Variants in LRRTM3 observed in about 807,000 individuals in gnomAD.
LRRTM3 encodes leucine-rich repeat transmembrane neuronal protein 3.
In LRRTM3, 24 loss-of-function variants were observed where a neutral mutation model predicts 44.7. The observed-to-expected ratio is 0.54, with a 90% CI of 0.39 to 0.76. The LOEUF is 0.76. Ranked by LOEUF, LRRTM3 falls within the 30% of genes least tolerant of loss-of-function variation. The pLI is 0.00. For synonymous variants in LRRTM3, 277 were observed against 278.7 expected (o/e 0.99, Z 0.06); for missense variants, 587 against 702.2 (o/e 0.84, Z 1.85).
At chr10:67,017,609 A>C (rs1183199291) in intron 2 of LRRTM3, among the ~76,000 whole-genome samples, 1 of 152,120 alleles carries the variant, frequency 6.6e-6, no homozygotes, top group East Asian at 1.9e-4. Flanking sequence ...TCTACCTACA[A>C]CACCAGCCAT....
At chr10:67,019,482 T>C (rs895378979) in intron 2 of LRRTM3, among the ~76,000 whole-genome samples, 6 of 152,174 alleles carry the variant, frequency 3.9e-5, no homozygotes, top group African/African-American at 1.4e-4. Flanking sequence ...CCTCCCAAAG[T>C]GCTAGGATTA....
chr10:66,950,268 T>C (rs1314197188), intron 2 of LRRTM3, among the ~76,000 whole-genome samples: 2 of 152,164 alleles, frequency 1.3e-5, no homozygotes, highest in Non-Finnish European at 2.9e-5. Flanking sequence ...TTTACTTCTA[T>C]AGCCATTAAA....
At chr10:66,984,321 C>T (rs1472534318) in intron 2 of LRRTM3, among the ~76,000 whole-genome samples, 1 of 152,098 alleles carries the variant, frequency 6.6e-6, no homozygotes, top group African/African-American at 2.4e-5. Flanking sequence ...GAATACCAAA[C>T]ATTATTCTTA....
At chr10:67,058,185 T>A (rs1855553276) in intron 2 of LRRTM3, among the ~76,000 whole-genome samples, 1 of 152,170 alleles carries the variant, frequency 6.6e-6, no homozygotes, top group Non-Finnish European at 1.5e-5. Flanking sequence ...GTGATCACAT[T>A]TCTAATCACA....
chr10:67,065,517 A>G (rs1856021807), intron 2 of LRRTM3, among the ~76,000 whole-genome samples: 1 of 152,146 alleles, frequency 6.6e-6, no homozygotes, highest in Non-Finnish European at 1.5e-5. Flanking sequence ...CATCTGTTCC[A>G]TCTTCTTCCT....
At chr10:67,028,403 A>G (rs1166930092) in intron 2 of LRRTM3, among the ~76,000 whole-genome samples, 1 of 152,106 alleles carries the variant, frequency 6.6e-6, no homozygotes, top group Non-Finnish European at 1.5e-5. Context: ...AGTATTTAAC[A>G]TTTCTCAACC....
intron 2 of LRRTM3, among the ~76,000 whole-genome samples, chr10:67,088,987 G>T (rs1003841078): frequency 6.6e-6 from 1 of 151,920 alleles, no homozygotes; most frequent in East Asian, 1.9e-4. Flanking sequence ...TGACTACTTA[G>T]ATAGAATATA....
intron 2 of LRRTM3, among the ~76,000 whole-genome samples, chr10:67,046,279 C>T (rs1854738145): frequency 6.6e-6 from 1 of 152,130 alleles, no homozygotes; most frequent in African/African-American, 2.4e-5. Context: ...TATGTTTATA[C>T]AATTCTTATC....
At chr10:66,938,984 C>T (rs1847862516) in intron 2 of LRRTM3, among the ~76,000 whole-genome samples, 1 of 152,166 alleles carries the variant, frequency 6.6e-6, no homozygotes, top group Admixed American at 6.5e-5. Flanking sequence ...GTCTCCTTAT[C>T]TCAGCCCCAG....
chr10:66,957,415 C>CATAT (rs549686922), intron 2 of LRRTM3, among the ~76,000 whole-genome samples: 235 of 32,438 alleles, frequency 7.2e-3, no homozygotes, highest in Non-Finnish European at 0.011. Flanking sequence ...TATATATATG[C>CATAT]ATATATATAT....
intron 2 of LRRTM3, among the ~76,000 whole-genome samples, chr10:67,026,353 G>C (rs1853390198): frequency 6.6e-6 from 1 of 151,790 alleles, no homozygotes; most frequent in African/African-American, 2.4e-5. Flanking sequence ...AATATTTTTG[G>C]AACATTTTGT....
intron 2 of LRRTM3, among the ~76,000 whole-genome samples, chr10:67,084,049 A>C (rs1331607505): frequency 6.6e-6 from 1 of 152,146 alleles, no homozygotes; most frequent in African/African-American, 2.4e-5. Flanking sequence ...TTCAGGGAGA[A>C]GGTAGGATCA....
chr10:66,930,893 T>C (rs6480241), intron 2 of LRRTM3, among the ~76,000 whole-genome samples: 53,289 of 151,906 alleles, frequency 0.35, 10,083 homozygotes, highest in East Asian at 0.47. Context: ...GTTCTTTCTT[T>C]CTCCTCACTC....
intron 2 of LRRTM3, among the ~76,000 whole-genome samples, chr10:67,083,819 AAG>A (rs2131887284): frequency 6.6e-6 from 1 of 152,310 alleles, no homozygotes; most frequent in Non-Finnish European, 1.5e-5. Flanking sequence ...CATACTTTTT[AAG>A]AGTCTGATTT....
chr10:67,060,321 G>A (rs1022406711), intron 2 of LRRTM3, among the ~76,000 whole-genome samples: 3 of 151,990 alleles, frequency 2.0e-5, no homozygotes, highest in African/African-American at 7.2e-5. Context: ...TCAAAGAAAA[G>A]TCTTTTTAAA....
At chr10:67,048,571 T>C (rs985872754) in intron 2 of LRRTM3, among the ~76,000 whole-genome samples, 4 of 152,086 alleles carry the variant, frequency 2.6e-5, no homozygotes, top group African/African-American at 4.8e-5. Flanking sequence ...AGGACTATTA[T>C]ATACATTATC....
intron 2 of LRRTM3, among the ~76,000 whole-genome samples, chr10:66,963,690 A>G (rs534901229): frequency 1.1e-4 from 16 of 152,224 alleles, no homozygotes; most frequent in African/African-American, 3.9e-4. Flanking sequence ...AACAGGTTCC[A>G]AAATAGAAGG....
chr10:66,936,713 A>G (rs1251908584), intron 2 of LRRTM3, among the ~76,000 whole-genome samples: 1 of 152,022 alleles, frequency 6.6e-6, no homozygotes, highest in Admixed American at 6.6e-5. Flanking sequence ...TCCCATTTCC[A>G]TGTATTTTCT....
chr10:67,016,241 AG>A (rs1852650902), intron 2 of LRRTM3, among the ~76,000 whole-genome samples: 1 of 152,160 alleles, frequency 6.6e-6, no homozygotes, highest in African/African-American at 2.4e-5. Context: ...TACAATGGGG[AG>A]GGGAAGAGGA....
Sources: gnomAD v4.1 joint callset for allele counts (sites outside exome capture counted in the v4.1 genomes callset) on GRCh38, gnomAD v4.1.1 for gene constraint, MANE v1.5 for transcripts, NCBI Gene and HGNC (gene_info 2026-07-23, HGNC 2026-07-21) for gene names.